The following VPS13B variants were observed in gnomAD, a reference collection of about 807,000 sequenced individuals.
VPS13B encodes the protein vacuolar protein sorting 13 homolog B.
A neutral mutation model predicts 426.4 loss-of-function variants in VPS13B; 285 were observed. That is an observed-to-expected ratio of 0.67 (90% confidence interval 0.61 to 0.74). The LOEUF is 0.74. Among genes scored for constraint, VPS13B ranks in the 30% least tolerant of loss-of-function variants. The probability of loss-of-function intolerance (pLI) is 0.00; values close to 1 mark genes in which losing one functional copy is unlikely to be tolerated. For synonymous variants in VPS13B, 1,676 were observed against 1,676.4 expected, an observed-to-expected ratio of 1.00 and a Z score of 0.01; for missense variants, 4,537 against 4,782.6, an observed-to-expected ratio of 0.95 and a Z score of 1.51.
At chr8:99,019,355 CACG>C (rs977923697) in intron 2 of VPS13B, among the ~76,000 whole-genome samples, 11 of 151,786 alleles carry the variant, frequency 7.2e-5, no homozygotes, top group Non-Finnish European at 1.0e-4. Context: ...TACAGGTGCC[CACG>C]ACAACACCCG....
chr8:99,660,446 A>G (rs1318782075), intron 34 of VPS13B, among the ~76,000 whole-genome samples: 1 of 152,168 alleles, frequency 6.6e-6, no homozygotes, highest in Non-Finnish European at 1.5e-5. Flanking sequence ...GATGGACTCT[A>G]TGGCAAGAAC....
intron 42 of VPS13B, 43 bp from the exon 43 acceptor site, chr8:99,784,272 A>G (rs771067799): frequency 1.1e-5 from 17 of 1,613,028 alleles, no homozygotes; most frequent in Non-Finnish European, 1.4e-5. Context: ...ACATCTTACA[A>G]TTAATCCGAT....
At chr8:99,853,326 T>G in intron 55 of VPS13B, 125 bp from the exon 56 acceptor site, 1 of 962,886 alleles carries the variant, frequency 1.0e-6, no homozygotes, top group South Asian at 1.6e-5. Flanking sequence ...AGTTCTTATT[T>G]GTTTCTTATG....
chr8:99,287,603 G>A (rs1254584049), intron 19 of VPS13B, among the ~76,000 whole-genome samples: 1 of 151,806 alleles, frequency 6.6e-6, no homozygotes, highest in African/African-American at 2.4e-5. Flanking sequence ...GGAAATATAT[G>A]ATAGCCAAAG....
chr8:99,812,417 A>G (rs1293082097), intron 44 of VPS13B, among the ~76,000 whole-genome samples: 1 of 152,178 alleles, frequency 6.6e-6, no homozygotes, highest in Non-Finnish European at 1.5e-5. Flanking sequence ...CTGGGCCTGG[A>G]AATTTGCAAT....
At chr8:99,548,099 C>T (rs1476211854) in intron 30 of VPS13B, among the ~76,000 whole-genome samples, 1 of 152,012 alleles carries the variant, frequency 6.6e-6, no homozygotes, top group Admixed American at 6.6e-5. Flanking sequence ...CTGGTCCTCA[C>T]CATAGGACCA....
intron 33 of VPS13B, among the ~76,000 whole-genome samples, chr8:99,589,258 G>C (rs756845302): frequency 6.6e-6 from 1 of 151,610 alleles, no homozygotes; most frequent in African/African-American, 2.4e-5. Flanking sequence ...ACAACGTGCA[G>C]GTTTGTTACA....
chr8:99,435,038 A>AG (rs1817299550), intron 22 of VPS13B, among the ~76,000 whole-genome samples: 1 of 152,326 alleles, frequency 6.6e-6, no homozygotes, highest in African/African-American at 2.4e-5. Context: ...AGTATACTGT[A>AG]GGGAGCCCCT....
rs185230847 is a variant in VPS13B at position 99,735,496 on chromosome 8, A to C, written c.7050+14449A>C. Among the ~76,000 whole-genome samples the C allele has an allele frequency of 6.3e-3, 962 of 152,302 alleles. 8 individuals carry two copies. The highest frequency in any genetic ancestry group is 0.022 in the African/African-American group (904 of 41,562). On this transcript the variant is annotated intron_variant, in intron 39 of 61. Coordinates refer to ENST00000357162, the MANE Select transcript of VPS13B (RefSeq NM_152564.5). ...GCAGAGACTGGAATGTCGCAACTACAAGCCAAGGAACACCTGGGATTGCTG... is the reference window on the plus strand; with the variant it reads ...GCAGAGACTGGAATGTCGCAACTACCAGCCAAGGAACACCTGGGATTGCTG...
intron 17 of VPS13B, among the ~76,000 whole-genome samples, chr8:99,217,106 T>C: frequency 6.6e-6 from 1 of 152,218 alleles, no homozygotes; most frequent in Non-Finnish European, 1.5e-5. Context: ...CTGTTTACTC[T>C]TTTTTCATTA....
chr8:99,210,263 A>C (rs1026837123), intron 17 of VPS13B, among the ~76,000 whole-genome samples: 4 of 152,190 alleles, frequency 2.6e-5, no homozygotes, highest in Non-Finnish European at 5.9e-5. Flanking sequence ...AAGGCAGAGC[A>C]GCTAATTTTA....
At position 99,501,827 on chromosome 8, in the gene VPS13B, C is replaced by T; in HGVS notation, c.4011C>T (p.Leu1337=). The T allele has an allele frequency of 3.1e-6, 5 of 1,613,988 alleles. No individual in the cohort carries two copies. The highest frequency in any genetic ancestry group is 4.2e-6 in the Non-Finnish European group (5 of 1,179,996). Residue 1337 remains leucine, a synonymous_variant, in exon 26 of 62, where the codon CTC becomes CTT. Transcript: ENST00000357162. ...TGCTTCCCAAAATTACTATAAAGCT[C>T]TTTGCTCCAGATCCTGAAAATAAAG... is the stretch of plus-strand genomic sequence containing the variant. ...QWVLPKITIK[L]FAPDPENKGT...
chr8:99,606,715 G>A (rs564832079), intron 33 of VPS13B, among the ~76,000 whole-genome samples: 8 of 143,328 alleles, frequency 5.6e-5, no homozygotes, highest in East Asian at 4.5e-4. Flanking sequence ...TGCAACCTCC[G>A]CCTCCCAGAT....
intron 35 of VPS13B, among the ~76,000 whole-genome samples, chr8:99,663,676 C>T (rs547095114): frequency 1.3e-5 from 2 of 152,272 alleles, no homozygotes; most frequent in South Asian, 2.1e-4. Context: ...AAAGACTGAA[C>T]ACAATAGAAT....
In VPS13B at chr8:99,792,836, A is replaced by G. The variant is rs796118120; in HGVS notation, c.7941+8360A>G. Among the ~76,000 whole-genome samples the G allele has an allele frequency of 2.6e-4, 40 of 152,226 alleles. 1 individual carries two copies. Among genetic ancestry groups the G allele is most frequent in the Middle Eastern group, 3.4e-3 (1 of 294 alleles). On this transcript the variant is annotated intron_variant, in intron 43 of 61. Transcript: ENST00000357162. Reference sequence around the variant, plus strand: ...TAAGCTATACATGGACTCTTGACCAACAGTCACTGTGAGAGAGTAAATGTG... The same window carrying G: ...TAAGCTATACATGGACTCTTGACCAGCAGTCACTGTGAGAGAGTAAATGTG...
chr8:99,314,856 T>G (rs1821223122), intron 19 of VPS13B, among the ~76,000 whole-genome samples: 1 of 152,254 alleles, frequency 6.6e-6, no homozygotes, highest in South Asian at 2.1e-4. Context: ...CTTGCTGAAC[T>G]GATCCCCTTA....
In VPS13B at chr8:99,641,963, G is replaced by T. The variant is rs534024412; in HGVS notation, c.5373G>T (p.Gln1791His). The T allele has an allele frequency of 6.2e-7, 1 of 1,614,112 alleles. No individual in the cohort carries two copies. Among genetic ancestry groups the T allele is most frequent in the South Asian group, 1.1e-5 (1 of 91,080 alleles). The change falls in exon 34 of 62, where the codon CAG becomes CAT. Residue 1791 changes from glutamine (Q) to histidine (H), a missense_variant. Transcript: ENST00000357162. ...TAGAGCAGCACAGTGGTGCCAGTCA[G>T]CATCGCATTGCCCGTCCCTCACGCC... ...VQIEQHSGASQHRIARPSRQS... is the reference protein window; with the variant it reads ...VQIEQHSGASHHRIARPSRQS...
At chr8:99,809,776 C>T (rs1390776398) in intron 44 of VPS13B, among the ~76,000 whole-genome samples, 1 of 152,116 alleles carries the variant, frequency 6.6e-6, no homozygotes, top group Non-Finnish European at 1.5e-5. Flanking sequence ...TTTAGTTTCA[C>T]CTCTTCTCCC....
intron 29 of VPS13B, among the ~76,000 whole-genome samples, chr8:99,516,643 C>A (rs1822085181): frequency 6.6e-6 from 1 of 151,774 alleles, no homozygotes; most frequent in Non-Finnish European, 1.5e-5. Context: ...CACAAATTTT[C>A]TGGGCATGGT....
Sources: gnomAD v4.1 joint callset for allele counts (sites outside exome capture counted in the v4.1 genomes callset) on GRCh38, gnomAD v4.1.1 for gene constraint, MANE v1.5 for transcripts, NCBI Gene and HGNC (gene_info 2026-07-23, HGNC 2026-07-21) for gene names.